RAD51: variants seen among roughly 807,000 people sequenced by gnomAD.
The protein encoded by RAD51 is DNA repair protein RAD51 homolog 1.
In RAD51, 14 loss-of-function variants were observed where a neutral mutation model predicts 41.5. That is an observed-to-expected ratio of 0.34 (90% confidence interval 0.22 to 0.53). The LOEUF is 0.53. RAD51 is among the 20% of genes least tolerant of loss of function. The pLI, the probability that RAD51 is intolerant of heterozygous loss-of-function variation, is 0.95. For missense variants in RAD51, 234 were observed against 422.0 expected, an observed-to-expected ratio of 0.55 and a Z score of 3.90; for synonymous variants, 136 against 148.6, an observed-to-expected ratio of 0.92 and a Z score of 0.62.
At chr15:40,726,949 A>G (rs1247686553) in intron 6 of RAD51, among the ~76,000 whole-genome samples, 1 of 151,532 alleles carries the variant, frequency 6.6e-6, no homozygotes, top group African/African-American at 2.4e-5. Context: ...TTTCCAGCCA[A>G]CTTGTCCCAA....
chr15:40,696,371 C>A (rs560774542), intron 1 of RAD51, among the ~76,000 whole-genome samples: 23 of 152,070 alleles, frequency 1.5e-4, no homozygotes, highest in Admixed American at 7.2e-4. Context: ...CCCAAGAGTT[C>A]GAGAACAGCC....
intron 9 of RAD51, among the ~76,000 whole-genome samples, chr15:40,730,570 G>A (rs1372474125): frequency 3.4e-5 from 4 of 118,606 alleles, no homozygotes; most frequent in Admixed American, 1.2e-4. Context: ...CACCCAGGCT[G>A]GAGTGCAGTG....
At chr15:40,720,807 T>G (rs1896232008) in intron 6 of RAD51, among the ~76,000 whole-genome samples, 1 of 152,152 alleles carries the variant, frequency 6.6e-6, no homozygotes, top group Non-Finnish European at 1.5e-5. Context: ...GCAAAAACTC[T>G]GAAACATTAC....
intron 3 of RAD51, among the ~76,000 whole-genome samples, chr15:40,705,346 C>T (rs1895264304): frequency 6.6e-6 from 1 of 152,154 alleles, no homozygotes; most frequent in Non-Finnish European, 1.5e-5. Flanking sequence ...TATTACAGAA[C>T]ACTTATCTGT....
chr15:40,721,588 C>T (rs1896274964), intron 6 of RAD51, among the ~76,000 whole-genome samples: 1 of 152,104 alleles, frequency 6.6e-6, no homozygotes, highest in Admixed American at 6.6e-5. Flanking sequence ...GGTGATCATC[C>T]CTACTCAGCC....
At chr15:40,724,865 T>TTCACTGTG in intron 6 of RAD51, among the ~76,000 whole-genome samples, 3 of 129,718 alleles carry the variant, frequency 2.3e-5, no homozygotes, top group African/African-American at 8.9e-5. Flanking sequence ...ATTTTTTAAT[T>TTCACTGTG]TTAATTTTTT....
At chr15:40,703,210 G>A (rs1271737494) in intron 3 of RAD51, among the ~76,000 whole-genome samples, 1 of 152,076 alleles carries the variant, frequency 6.6e-6, no homozygotes, top group African/African-American at 2.4e-5. Flanking sequence ...GAGTCCCTGG[G>A]ACTATGTTTC....
At chr15:40,718,172 A>G (rs532361385) in intron 5 of RAD51, among the ~76,000 whole-genome samples, 1 of 152,136 alleles carries the variant, frequency 6.6e-6, no homozygotes, top group East Asian at 1.9e-4. Flanking sequence ...GCAGTGAGCC[A>G]AGATTGCACC....
intron 4 of RAD51, among the ~76,000 whole-genome samples, chr15:40,706,652 A>G (rs1895360047): frequency 1.3e-5 from 2 of 152,330 alleles, no homozygotes; most frequent in Middle Eastern, 3.4e-3. Flanking sequence ...CTGTGAGCCA[A>G]GATTGTGCCA....
intron 5 of RAD51, among the ~76,000 whole-genome samples, chr15:40,710,264 A>G (rs1895622856): frequency 6.9e-6 from 1 of 144,196 alleles, no homozygotes; most frequent in Non-Finnish European, 1.5e-5. Flanking sequence ...AAAAAAAAAA[A>G]AAAAAAGAAG....
chr15:40,704,923 C>A (rs775348302), intron 3 of RAD51, among the ~76,000 whole-genome samples: 2 of 152,176 alleles, frequency 1.3e-5, no homozygotes, highest in African/African-American at 4.8e-5. Flanking sequence ...CCACCTCAGC[C>A]TCCCAAAGTT....
At chr15:40,698,689 A>G in intron 1 of RAD51, 68 bp from the exon 2 acceptor site, 4 of 1,423,994 alleles carry the variant, frequency 2.8e-6, no homozygotes, top group African/African-American at 1.4e-5. Flanking sequence ...CTAGCTAGAT[A>G]GAAGATGGGG....
chr15:40,713,855 C>G (rs963552507), intron 5 of RAD51, among the ~76,000 whole-genome samples: 6 of 151,984 alleles, frequency 3.9e-5, no homozygotes, highest in African/African-American at 1.5e-4. Context: ...ATCCGCCCAC[C>G]TTGGTCTCTC....
intron 5 of RAD51, among the ~76,000 whole-genome samples, chr15:40,709,929 G>A (rs1287172287): frequency 6.6e-6 from 1 of 151,886 alleles, no homozygotes; most frequent in Non-Finnish European, 1.5e-5. Flanking sequence ...TTGGGAGGCC[G>A]AGGCGGGTGG....
chr15:40,728,370 T>C (rs1156412766), intron 6 of RAD51, among the ~76,000 whole-genome samples: 3 of 151,684 alleles, frequency 2.0e-5, no homozygotes, highest in Non-Finnish European at 2.9e-5. Context: ...GGCAGGAGAA[T>C]CGCGTGAACC....
upstream of RAD51, chr15:40,694,750 T>TAGTCCCGGGCCGACGC (rs1250923251): frequency 6.6e-6 from 1 of 152,180 alleles, no homozygotes; most frequent in African/African-American, 2.4e-5. Flanking sequence ...CCGGGAGATG[T>TAGTCCCGGGCCGACGC]AGTCCCGGGC....
chr15:40,715,086 G>A (rs1895919373), intron 5 of RAD51, among the ~76,000 whole-genome samples: 1 of 152,226 alleles, frequency 6.6e-6, no homozygotes, highest in African/African-American at 2.4e-5. Context: ...ATGCGGGCAT[G>A]GTGGCTCACG....
intron 3 of RAD51, among the ~76,000 whole-genome samples, chr15:40,704,599 A>G (rs1420418871): frequency 6.7e-6 from 1 of 149,572 alleles, no homozygotes; most frequent in Non-Finnish European, 1.5e-5. Context: ...TGACTTCGTG[A>G]TCTGCCCACC....
intron 1 of RAD51, among the ~76,000 whole-genome samples, chr15:40,696,026 C>A (rs144203793): frequency 6.6e-6 from 1 of 152,168 alleles, no homozygotes; most frequent in Non-Finnish European, 1.5e-5. Context: ...AGGCCCCCAC[C>A]ACCACGCCGC....
Sources: gnomAD v4.1 joint callset for allele counts (sites outside exome capture counted in the v4.1 genomes callset) on GRCh38, gnomAD v4.1.1 for gene constraint, MANE v1.5 for transcripts, NCBI Gene and HGNC (gene_info 2026-07-23, HGNC 2026-07-21) for gene names.